Variants in GHRHR observed in about 807,000 individuals in gnomAD.
GHRHR encodes the protein growth hormone releasing hormone receptor, also known as growth hormone-releasing hormone receptor.
Under a neutral mutation model 58.3 loss-of-function variants are expected in GHRHR, and 40 were observed. The observed-to-expected ratio is 0.69, with a 90% CI of 0.53 to 0.89. GHRHR has a LOEUF of 0.89. Ranked by LOEUF, GHRHR falls within the 40% of genes least tolerant of loss-of-function variation. The pLI is 0.00. For missense variants in GHRHR, 551 were observed against 541.3 expected, an observed-to-expected ratio of 1.02 and a Z score of -0.18; for synonymous variants, 249 against 216.6, an observed-to-expected ratio of 1.15 and a Z score of -1.31.
rs1243081863 is a variant in GHRHR, at chr7:30,978,794, T to A, written c.1147-325T>A. 7.3e-5 allele frequency among the ~76,000 whole-genome samples: 11 copies of A among 151,684 alleles called. No individual in the cohort carries two copies. The East Asian group carries it at 2.1e-3, about 29-fold the overall frequency. On this transcript the variant is annotated intron_variant, in intron 12 of 12. Transcript: ENST00000326139. ...CAAAATTGAATCCCAGAGCAAGGAG[T>A]GGTCTAAGTGATTAAGAGAGAACAG...
rs778901588 is a variant in GHRHR, at chr7:30,976,571, A to C, written c.1104+13A>C. The C allele has an allele frequency of 8.7e-6, 14 of 1,611,438 alleles. 1 individual carries two copies. In the South Asian group the frequency reaches 1.3e-4, roughly 15 times the overall value. On this transcript the variant is annotated intron_variant, in intron 11 of 12. Transcript: ENST00000326139. The stretch of plus-strand genomic sequence containing the variant: ...GGGTTCCTTCCAGGTGAGGGCCCCC[A>C]CAGGCACTCTTTCTTTCCATTGAGG...
At chr7:30,968,603 TCTCTCCCTCCCTCC>T (rs1792404137) in intron 1 of GHRHR, among the ~76,000 whole-genome samples, 1 of 135,894 alleles carries the variant, frequency 7.4e-6, no homozygotes, top group African/African-American at 3.0e-5. Flanking sequence ...TGTTCCTCCC[TCTCTCCCTCCCTCC>T]CTCCCTCCCT....
intron 8 of GHRHR, among the ~76,000 whole-genome samples, chr7:30,974,755 A>T (rs1403447662): frequency 1.3e-5 from 2 of 152,116 alleles, no homozygotes; most frequent in Non-Finnish European, 2.9e-5. Flanking sequence ...CATTGAACAG[A>T]GTTCAGAAAC....
At chr7:30,979,054 T>A in intron 12 of GHRHR, 65 bp from the exon 13 acceptor site, 2 of 1,501,370 alleles carry the variant, frequency 1.3e-6, no homozygotes, top group Non-Finnish European at 1.9e-6. Flanking sequence ...CACCTTAGTC[T>A]CATTGGGGTT....
chr7:30,964,292 C>A (rs1370418742), intron 1 of GHRHR, among the ~76,000 whole-genome samples, 167 bp downstream of exon 1: 1 of 152,162 alleles, frequency 6.6e-6, no homozygotes, highest in Non-Finnish European at 1.5e-5. Context: ...GACACTGGGG[C>A]TCCCTCCCTC....
In GHRHR at chr7:30,972,022, A is replaced by G; in HGVS notation, c.524A>G (p.Lys175Arg). Reference sequence around the variant, plus strand: ...CAGCTGTTCACCACTTTTATCCTCAAGGCGGGAGCTGTGTTCCTGAAGGAT... The same window carrying G: ...CAGCTGTTCACCACTTTTATCCTCAGGGCGGGAGCTGTGTTCCTGAAGGAT... ...HTQLFTTFIL[K>R]AGAVFLKDAA... Residue 175 changes from lysine to arginine, a missense_variant, in exon 6 of 13, where the codon AAG becomes AGG. Transcript: ENST00000326139. The G allele has an allele frequency of 6.2e-7, 1 of 1,613,984 alleles. No individual in the cohort carries two copies. Among genetic ancestry groups the G allele is most frequent in the Non-Finnish European group, 8.5e-7 (1 of 1,179,960 alleles).
In GHRHR at chr7:30,971,975, C is replaced by T. The variant is rs913339581; in HGVS notation, c.477C>T (p.Cys159=). 6.2e-7 allele frequency: 1 copy of T among 1,613,432 alleles called. No individual in the cohort carries two copies. Among genetic ancestry groups the T allele is most frequent in the Non-Finnish European group, 8.5e-7 (1 of 1,179,584 alleles). Residue 159 remains cysteine (C), a synonymous_variant, in exon 6 of 13, where the codon TGC becomes TGT. Transcript: ENST00000326139. ...CCATTACCCCCAGGAGGCTCCACTG[C>T]CCCCGGAACTACGTCCACACCCAGC... ...TILVALRRLH[C]PRNYVHTQLF... is the part of the protein sequence containing the mutation.
chr7:30,972,184 C>A, intron 6 of GHRHR, 89 bp downstream of exon 6: 1 of 1,460,106 alleles, frequency 6.8e-7, no homozygotes, highest in Admixed American at 1.7e-5. Flanking sequence ...GGCTTCCCTG[C>A]CCTGTGGGCT....
In GHRHR at chr7:30,968,944, G is replaced by T. The variant is rs570325656; in HGVS notation, c.160+8G>T. On this transcript the variant is annotated splice_region_variant and intron_variant, in intron 2 of 12. Coordinates refer to ENST00000326139, the MANE Select transcript of GHRHR (RefSeq NM_000823.4). ...TGCCCAACACCACCCTGGGTATGGG[G>T]CCTAGGAGGCAGGTGGTGGCTTCTC... 5.6e-6 allele frequency: 9 copies of T among 1,600,020 alleles called. No homozygotes were observed. The South Asian group carries it at 8.8e-5, about 16-fold the overall frequency.
intron 1 of GHRHR, among the ~76,000 whole-genome samples, chr7:30,965,300 G>A (rs1227490535): frequency 2.6e-5 from 4 of 152,190 alleles, no homozygotes; most frequent in South Asian, 4.1e-4. Flanking sequence ...CTCAATCACT[G>A]TTTGCCAGTG....
rs1792640614 is a variant in GHRHR, at chr7:30,979,101, T to C, written c.1147-18T>C. On this transcript the variant is annotated intron_variant, in intron 12 of 12. Coordinates refer to ENST00000326139, the MANE Select transcript of GHRHR (RefSeq NM_000823.4). ...CCACAGGGGGACCTTCCTAACGTCC[T>C]CTTCCTTGTCCCTGGAGGTGAGGAC... The C allele has an allele frequency of 1.2e-6, 2 of 1,612,952 alleles. No homozygotes were observed. Among genetic ancestry groups the C allele is most frequent in the Admixed American group, 3.3e-5 (2 of 59,994 alleles).
intron 1 of GHRHR, among the ~76,000 whole-genome samples, chr7:30,965,187 C>T (rs1044154216): frequency 1.3e-5 from 2 of 152,320 alleles, no homozygotes; most frequent in South Asian, 4.1e-4. Context: ...GCCCCCCTGT[C>T]TGCCATCTGT....
At chr7:30,970,178 C>CGG (rs1283209660) in intron 4 of GHRHR, among the ~76,000 whole-genome samples, 1 of 152,148 alleles carries the variant, frequency 6.6e-6, no homozygotes, top group African/African-American at 2.4e-5. Flanking sequence ...GAGGGAGAAG[C>CGG]GGGGCAGAGG....
chr7:30,964,195 G>A (rs1019116306), intron 1 of GHRHR, 70 bp downstream of exon 1: 109 of 1,297,490 alleles, frequency 8.4e-5, no homozygotes, highest in Non-Finnish European at 1.0e-4. Context: ...AGGGCCAACT[G>A]GAGCCTGGCG....
chr7:30,971,905 C>T (rs979316977), intron 5 of GHRHR, 58 bp from the exon 6 acceptor site: 1 of 1,565,272 alleles, frequency 6.4e-7, no homozygotes, highest in African/African-American at 1.4e-5. Flanking sequence ...AGTTGCAGCA[C>T]ACCAGAATCC....
chr7:30,977,536 C>A (rs1362600093), intron 12 of GHRHR, among the ~76,000 whole-genome samples: 7 of 152,146 alleles, frequency 4.6e-5, no homozygotes, highest in Admixed American at 1.3e-4. Context: ...CTGAGCTGGG[C>A]CAAGTTCTAC....
chr7:30,976,965 C>T (rs1264112439), intron 11 of GHRHR, among the ~76,000 whole-genome samples: 2 of 150,296 alleles, frequency 1.3e-5, no homozygotes, highest in Admixed American at 1.3e-4. Flanking sequence ...TCCATCCATC[C>T]ACCCATCCAT....
intron 1 of GHRHR, among the ~76,000 whole-genome samples, chr7:30,965,090 T>C (rs766292011): frequency 2.6e-5 from 4 of 152,104 alleles, no homozygotes; most frequent in Non-Finnish European, 5.9e-5. Context: ...AAAGAGAAAA[T>C]ATCCGCTGGC....
chr7:30,977,444 G>C lies in GHRHR; in HGVS notation c.1146+122G>C, dbSNP rs368400613. On this transcript the variant is annotated intron_variant, in intron 12 of 12. Coordinates refer to ENST00000326139, the MANE Select transcript of GHRHR (RefSeq NM_000823.4). ...TCAGGCCACACCTTCACTCTTGTGA[G>C]CTTTTGTGGTAGTCTGTCCTGAGCT... The C allele has an allele frequency of 1.9e-5, 16 of 834,996 alleles. No homozygotes were observed. In the East Asian group the frequency reaches 2.2e-4, roughly 11 times the overall value. 51.7% of individuals were successfully genotyped at this position (834,996 alleles called of 1,614,324 possible).
Sources: allele counts gnomAD v4.1 joint callset (sites outside exome capture counted in the v4.1 genomes callset), GRCh38; gene constraint gnomAD v4.1.1; transcripts MANE v1.5; gene names NCBI Gene and HGNC (gene_info 2026-07-23, HGNC 2026-07-21).